The following MAP2 variants were observed in gnomAD, a reference collection of about 807,000 sequenced individuals.
The protein encoded by MAP2 is microtubule associated protein 2.
A neutral mutation model predicts 137.6 loss-of-function variants in MAP2; 14 were observed. The ratio of observed to expected loss-of-function variants is 0.10; its 90% CI spans 0.07 to 0.16. MAP2 has a LOEUF of 0.16. Ranked by LOEUF, MAP2 falls within the 10% of genes least tolerant of loss-of-function variation. The pLI, the probability that MAP2 is intolerant of heterozygous loss-of-function variation, is 1.00. For synonymous variants in MAP2, 786 were observed against 782.3 expected (o/e 1.00, Z -0.08); for missense variants, 2,088 against 2,191.5 (o/e 0.95, Z 0.94).
intron 2 of MAP2, among the ~76,000 whole-genome samples, chr2:209,526,439 C>T (rs1431154531): frequency 6.6e-6 from 1 of 151,082 alleles, no homozygotes; most frequent in Non-Finnish European, 1.5e-5. Flanking sequence ...GAGAGAAATA[C>T]AGAAGGGGGA....
At chr2:209,542,248 G>T (rs2067187811) in intron 2 of MAP2, among the ~76,000 whole-genome samples, 1 of 152,224 alleles carries the variant, frequency 6.6e-6, no homozygotes, top group Admixed American at 6.5e-5. Context: ...CTGAGCAGTG[G>T]GTCTCAACAG....
intron 3 of MAP2, among the ~76,000 whole-genome samples, chr2:209,600,904 A>C (rs1030685602): frequency 6.6e-6 from 1 of 152,152 alleles, no homozygotes; most frequent in Non-Finnish European, 1.5e-5. Context: ...TTAAGCTTAC[A>C]CTTTCTTTAC....
intron 3 of MAP2, among the ~76,000 whole-genome samples, chr2:209,612,802 AG>A (rs2087439861): frequency 6.6e-6 from 1 of 152,228 alleles, no homozygotes; most frequent in Admixed American, 6.5e-5. Context: ...ACATAGTATT[AG>A]AACAAGTTTT....
intron 14 of MAP2, among the ~76,000 whole-genome samples, chr2:209,726,144 G>A (rs1559676360): frequency 1.3e-5 from 2 of 151,836 alleles, no homozygotes; most frequent in East Asian, 1.9e-4. Context: ...CATTTCCAAG[G>A]TTTTTTTTCC....
intron 1 of MAP2, among the ~76,000 whole-genome samples, chr2:209,478,452 A>G (rs1001545853): frequency 6.6e-6 from 1 of 152,238 alleles, no homozygotes; most frequent in South Asian, 2.1e-4. Context: ...TTGAAGACAA[A>G]TGTTTACTAC....
intron 5 of MAP2, among the ~76,000 whole-genome samples, chr2:209,653,633 A>G (rs2094945029): frequency 6.6e-6 from 1 of 152,160 alleles, no homozygotes; most frequent in Non-Finnish European, 1.5e-5. Context: ...TCTCAATCCC[A>G]TTCCCCTATT....
chr2:209,712,854 C>T (rs1373801794), intron 13 of MAP2, among the ~76,000 whole-genome samples: 3 of 152,076 alleles, frequency 2.0e-5, no homozygotes, highest in African/African-American at 4.8e-5. Flanking sequence ...ATTAGATGAT[C>T]GAGCATCTAT....
At chr2:209,602,992 C>T (rs1222983122) in intron 3 of MAP2, among the ~76,000 whole-genome samples, 1 of 152,146 alleles carries the variant, frequency 6.6e-6, no homozygotes, top group East Asian at 1.9e-4. Flanking sequence ...AAATCAGTGG[C>T]TTGAAGTGAA....
chr2:209,692,657 G>C lies in MAP2; in HGVS notation c.487G>C (p.Asp163His). 6.3e-7 allele frequency: 1 copy of C among 1,588,124 alleles called. No individual in the cohort carries two copies. The highest frequency in any genetic ancestry group is 1.2e-5 in the South Asian group (1 of 86,064). ...LLTASKMEFH[D>H]QQELTPSTAE... ...TACAGCCTCGAAGATGGAGTTCCAC[G>C]ATCAACAGGAATTGACTCCCTCTAC... Residue 163 changes from aspartate (D) to histidine (H), a missense_variant, in exon 8 of 16, where the codon GAT becomes CAT. Asp to His is a moderately conservative substitution (Grantham distance 81, BLOSUM62 -1). Around this residue, in one of 6 missense-constraint regions of MAP2, gnomAD observed 859 missense variants for 794.5 expected, o/e 1.08. Transcript: ENST00000682079.
At chr2:209,596,664 T>C (rs144151512) in intron 3 of MAP2, among the ~76,000 whole-genome samples, 13 of 152,338 alleles carry the variant, frequency 8.5e-5, no homozygotes, top group African/African-American at 2.9e-4. Context: ...TAGAAAATCA[T>C]ATTTATTGAT....
chr2:209,717,484 G>T (rs956680370), intron 13 of MAP2, among the ~76,000 whole-genome samples: 2 of 152,094 alleles, frequency 1.3e-5, no homozygotes, highest in African/African-American at 2.4e-5. Flanking sequence ...CGGATTATTT[G>T]TAGGCCCTTT....
intron 2 of MAP2, among the ~76,000 whole-genome samples, chr2:209,515,869 C>G (rs1352737775): frequency 2.0e-5 from 3 of 152,144 alleles, no homozygotes; most frequent in African/African-American, 7.2e-5. Flanking sequence ...TCACTGCAGC[C>G]TTAACCTACC....
intron 3 of MAP2, among the ~76,000 whole-genome samples, chr2:209,586,008 T>G (rs1243765089): frequency 1.3e-5 from 2 of 152,168 alleles, no homozygotes; most frequent in Non-Finnish European, 2.9e-5. Context: ...GTTGCACATG[T>G]TTTTTAGGCC....
intron 3 of MAP2, among the ~76,000 whole-genome samples, chr2:209,587,091 C>T (rs1453246239): frequency 6.6e-6 from 1 of 152,056 alleles, no homozygotes; most frequent in Non-Finnish European, 1.5e-5. Context: ...TGTTTGGGGA[C>T]GTGGTTCTAT....
chr2:209,534,982 G>A (rs1399039033), intron 2 of MAP2, among the ~76,000 whole-genome samples: 2 of 122 alleles, frequency 0.016, no homozygotes, highest in Non-Finnish European at 0.031. Flanking sequence ...TAACAGATAT[G>A]TGCACCATTG....
At chr2:209,583,263 T>C (rs1478875105) in intron 3 of MAP2, among the ~76,000 whole-genome samples, 1 of 152,070 alleles carries the variant, frequency 6.6e-6, no homozygotes, top group Non-Finnish European at 1.5e-5. Flanking sequence ...CAAGCTCTAT[T>C]GTATTTTAAT....
intron 2 of MAP2, among the ~76,000 whole-genome samples, chr2:209,527,149 T>G (rs1183888937): frequency 6.6e-6 from 1 of 152,170 alleles, no homozygotes; most frequent in African/African-American, 2.4e-5. Context: ...CAGTTCTTAG[T>G]GTGATATCTG....
intron 1 of MAP2, among the ~76,000 whole-genome samples, chr2:209,432,396 G>T (rs1024559748): frequency 6.6e-6 from 1 of 152,076 alleles, no homozygotes; most frequent in Admixed American, 6.6e-5. Flanking sequence ...TGTTGCTGTG[G>T]TTCCTGTGTT....
intron 1 of MAP2, among the ~76,000 whole-genome samples, chr2:209,477,846 A>G (rs1401538948): frequency 2.0e-5 from 3 of 151,680 alleles, no homozygotes; most frequent in Non-Finnish European, 4.4e-5. Context: ...AAATATTAAA[A>G]AAAAAAAAAA....
Sources: allele counts gnomAD v4.1 joint callset (sites outside exome capture counted in the v4.1 genomes callset), GRCh38; gene constraint gnomAD v4.1.1; regional missense constraint gnomAD v4.1.1; transcripts MANE v1.5; gene names NCBI Gene and HGNC (gene_info 2026-07-23, HGNC 2026-07-21).